The following VLDLR variants were observed in gnomAD, a reference collection of about 807,000 sequenced individuals.
VLDLR encodes the protein very low-density lipoprotein receptor.
Under a neutral mutation model 112.7 loss-of-function variants are expected in VLDLR, and 81 were observed. The ratio of observed to expected loss-of-function variants is 0.72; its 90% CI spans 0.60 to 0.86. VLDLR has a LOEUF of 0.86. Ranked by LOEUF, VLDLR falls within the 40% of genes least tolerant of loss-of-function variation. The pLI, the probability that VLDLR is intolerant of heterozygous loss-of-function variation, is 0.00. For synonymous variants in VLDLR, 436 were observed against 384.8 expected (o/e 1.13, Z -1.56); for missense variants, 1,237 against 1,099.4 (o/e 1.13, Z -1.77).
chr9:2,638,377 C>A (rs906819439), intron 2 of VLDLR, among the ~76,000 whole-genome samples: 3 of 152,172 alleles, frequency 2.0e-5, no homozygotes, highest in African/African-American at 7.2e-5. Flanking sequence ...GAGAGTTCTA[C>A]CTGCTTTAAA....
In VLDLR at chr9:2,642,250, C is replaced by T. The variant is rs562733798; in HGVS notation, c.448+751C>T. 5.3e-5 allele frequency among the ~76,000 whole-genome samples: 8 copies of T among 152,290 alleles called. No individual in the cohort carries two copies. The East Asian group carries it at 5.8e-4, about 11-fold the overall frequency. On this transcript the variant is annotated intron_variant, in intron 4 of 18. Transcript: ENST00000382100. ...TTTATAGGGCCTCTAAAACCTACAG[C>T]TCCCAAGTCTGACAAGCATGGGCCT...
At chr9:2,622,372 G>A (rs1586627450) in intron 1 of VLDLR, 101 bp downstream of exon 1, 3 of 1,085,578 alleles carry the variant, frequency 2.8e-6, no homozygotes, top group East Asian at 3.3e-5. Flanking sequence ...CTCCTAGGAG[G>A]CGCCTCTCGG....
In VLDLR at chr9:2,656,159, C is replaced by G. The variant is rs1273169422; in HGVS notation, c.*2291C>G. 6.6e-6 allele frequency: 1 copy of G among 151,460 alleles called. No individual in the cohort carries two copies. The highest frequency in any genetic ancestry group is 2.1e-4 in the South Asian group (1 of 4,828). The allele number at this position is 151,460 out of a possible 1,614,324, so 9.4% of individuals were successfully genotyped here. ...TTCATGTTCTGGGTAAAATTTCCAA[C>G]CCTCAAAGAGTCTAAAACGTCTCAT... On this transcript the variant is annotated 3_prime_UTR_variant, in exon 19 of 19. Coordinates refer to ENST00000382100, the MANE Select transcript of VLDLR (RefSeq NM_003383.5).
chr9:2,647,508 A>G lies in VLDLR; in HGVS notation c.1738A>G (p.Lys580Glu). The change falls in exon 12 of 19, where the codon AAA becomes GAA. Residue 580 changes from lysine to glutamate, a missense_variant. Lys to Glu is a moderately conservative substitution (Grantham distance 56, BLOSUM62 1). Transcript: ENST00000382100. ...CTGGTCAGACTGGGGTGAACCAGCT[A>G]AAATAGAAAAAGCAGGAATGAATGG... The part of the protein sequence containing the change: ...VYWSDWGEPA[K>E]IEKAGMNGFD... 2 of 1,614,148 alleles carry G rather than the reference A, an allele frequency of 1.2e-6. No homozygotes were observed. Among genetic ancestry groups the G allele is most frequent in the African/African-American group, 1.3e-5 (1 of 75,048 alleles).
At position 2,645,574 on chromosome 9, in the gene VLDLR, G is replaced by A. The variant is rs200605669; in HGVS notation, c.1313G>A (p.Gly438Asp). The change falls in exon 10 of 19, where the codon GGC becomes GAC. Residue 438 changes from glycine (G) to aspartate (D), a missense_variant and splice_region_variant. Transcript: ENST00000382100. ...DLATGVCKAV[G>D]KEPSLIFTNR... ...AGTAACCCAGACTTCCATCTTGCAG[G>A]CAAAGAGCCAAGTCTGATCTTCACT... The A allele has an allele frequency of 1.6e-4, 255 of 1,614,200 alleles. 2 individuals are homozygous for A. The Admixed American group carries it at 3.8e-3, about 24-fold the overall frequency.
At chr9:2,641,312 C>T (rs1237073921) in intron 3 of VLDLR, 65 bp from the exon 4 acceptor site, 2 of 1,611,032 alleles carry the variant, frequency 1.2e-6, no homozygotes, top group Non-Finnish European at 1.7e-6. Flanking sequence ...TTCCAGGCAG[C>T]ACAGGAGCAG....
chr9:2,641,250 GTTA>G, intron 3 of VLDLR, 124 bp from the exon 4 acceptor site: 1 of 1,476,242 alleles, frequency 6.8e-7, no homozygotes. Context: ...GCTTCAGCCA[GTTA>G]GTAGAATTTC....
intron 2 of VLDLR, among the ~76,000 whole-genome samples, chr9:2,639,347 C>T (rs1245628091): frequency 6.6e-6 from 1 of 152,188 alleles, no homozygotes; most frequent in African/African-American, 2.4e-5. Flanking sequence ...GCTCCACCCT[C>T]ATGACTTAAT....
chr9:2,635,654 A>G (rs1224264248), intron 2 of VLDLR, 82 bp downstream of exon 2: 1 of 1,598,690 alleles, frequency 6.3e-7, no homozygotes, highest in East Asian at 2.2e-5. Context: ...GATTCTGAAA[A>G]TAAAATCCAC....
rs748502536 is a variant in VLDLR at position 2,639,869 on chromosome 9, G to A, written c.213G>A (p.Thr71=). The change falls in exon 3 of 19, where the codon ACG becomes ACA. Residue 71 remains threonine, a synonymous_variant. Transcript: ENST00000382100. ...AATAAACGTTTGTAGTAAAGAAGACGTGTGCTGAATCTGACTTCGTGTGCA... is the reference window on the plus strand; with the variant it reads ...AATAAACGTTTGTAGTAAAGAAGACATGTGCTGAATCTGACTTCGTGTGCA... ...GSDEKNCVKK[T]CAESDFVCNN... is the part of the protein sequence containing the mutation. 37 of 1,613,968 alleles carry A rather than the reference G, an allele frequency of 2.3e-5. No individual in the cohort carries two copies. Among genetic ancestry groups the A allele is most frequent in the Middle Eastern group, 1.6e-4 (1 of 6,084 alleles).
chr9:2,623,849 C>T (rs1022300159), intron 1 of VLDLR, among the ~76,000 whole-genome samples: 3 of 152,118 alleles, frequency 2.0e-5, no homozygotes, highest in Non-Finnish European at 4.4e-5. Flanking sequence ...GCCTGAGAGC[C>T]TAGAAAAGCT....
chr9:2,633,600 T>G lies in VLDLR; in HGVS notation c.83-1853T>G, dbSNP rs115785142. Among the ~76,000 whole-genome samples, 1,217 of 152,298 alleles carry G rather than the reference T, an allele frequency of 8.0e-3. 23 individuals carry two copies. Among genetic ancestry groups the G allele is most frequent in the African/African-American group, 0.028 (1,166 of 41,552 alleles). On this transcript the variant is annotated intron_variant, in intron 1 of 18. Coordinates refer to ENST00000382100, the MANE Select transcript of VLDLR (RefSeq NM_003383.5). ...TGTCTCATTTTGACTTAATAACCTT[T>G]GGTAACTAAAACCTTAAAAAAAAAA...
Position 2,659,763 on chromosome 9 carries a change from C to G in VLDLR, c.*5895C>G, listed in dbSNP as rs1053179920. 1 of 152,182 alleles carries G rather than the reference C, an allele frequency of 6.6e-6. No homozygotes were observed. Among genetic ancestry groups the G allele is most frequent in the African/African-American group, 2.4e-5 (1 of 41,436 alleles). 9.4% of individuals were successfully genotyped at this position (152,182 alleles called of 1,614,324 possible). A position where few individuals can be genotyped will look rare whatever the true frequency, so the allele number is the denominator to read the frequency against. ...GGAATATACCAGATTGGTAGAACTA[C>G]CAGACTTGGGTATTTCTCAGTTAAC... is the stretch of plus-strand genomic sequence containing the variant. On this transcript the variant is annotated 3_prime_UTR_variant, in exon 19 of 19. Transcript: ENST00000382100.
intron 7 of VLDLR, 60 bp downstream of exon 7, chr9:2,644,019 A>T: frequency 6.2e-7 from 1 of 1,612,858 alleles, no homozygotes; most frequent in East Asian, 2.2e-5. Flanking sequence ...CAGTATAGCT[A>T]ACACTGTGTG....
Position 2,646,315 on chromosome 9 carries a change from G to T in VLDLR, c.1485-19G>T, listed in dbSNP as rs1448801756. 3 of 1,612,688 alleles carry T rather than the reference G, an allele frequency of 1.9e-6. No individual in the cohort carries two copies. The Admixed American group carries it at 5.0e-5, about 27-fold the overall frequency. On this transcript the variant is annotated intron_variant, in intron 10 of 18. Transcript: ENST00000382100. ...ATTGTGTCAAACTCTTAAATTTCTT[G>T]TGACCTATTCTGTTTCAGTGCCTCA...
At position 2,648,779 on chromosome 9, in the gene VLDLR, C is replaced by G; in HGVS notation, c.2073C>G (p.Ile691Met). ...ACAACCTGAATGATGCCCAAGACAT[C>G]ATTGTCTATCATGAACTTGTACAGC... ...LVNNLNDAQD[I>M]IVYHELVQPS... Residue 691 changes from isoleucine (I) to methionine (M), a missense_variant, in exon 14 of 19, where the codon ATC becomes ATG. By Grantham distance (10) the Ile-to-Met change is conservative. Transcript: ENST00000382100. The G allele has an allele frequency of 6.2e-7, 1 of 1,614,176 alleles. No individual in the cohort carries two copies. The highest frequency in any genetic ancestry group is 8.5e-7 in the Non-Finnish European group (1 of 1,180,030).
chr9:2,635,520 G>C lies in VLDLR; in HGVS notation c.150G>C (p.Trp50Cys). Residue 50 changes from tryptophan (W) to cysteine (C), a missense_variant, in exon 2 of 19, where the codon TGG becomes TGC. Coordinates refer to ENST00000382100, the MANE Select transcript of VLDLR (RefSeq NM_003383.5). ...ATGGTCGCTGTATTACGCTGTTGTGGAAATGTGATGGGGATGAAGACTGTG... is the reference window on the plus strand; with the variant it reads ...ATGGTCGCTGTATTACGCTGTTGTGCAAATGTGATGGGGATGAAGACTGTG... ...CTNGRCITLL[W>C]KCDGDEDCVD... The C allele has an allele frequency of 3.7e-6, 6 of 1,614,152 alleles. No homozygotes were observed. Among genetic ancestry groups the C allele is most frequent in the Non-Finnish European group, 5.1e-6 (6 of 1,179,998 alleles).
chr9:2,632,469 G>C (rs1420658024), intron 1 of VLDLR, among the ~76,000 whole-genome samples: 1 of 152,218 alleles, frequency 6.6e-6, no homozygotes, highest in Non-Finnish European at 1.5e-5. Context: ...AGAATCTCGA[G>C]TGTAGATGAT....
intron 15 of VLDLR, 117 bp from the exon 16 acceptor site, chr9:2,651,298 A>C: frequency 2.5e-6 from 2 of 788,906 alleles, no homozygotes; most frequent in Non-Finnish European, 4.3e-6. Flanking sequence ...TTAGTTCAGC[A>C]GTGGTTTGTC....
Sources: allele counts gnomAD v4.1 joint callset (sites outside exome capture counted in the v4.1 genomes callset), GRCh38; gene constraint gnomAD v4.1.1; transcripts MANE v1.5; gene names NCBI Gene and HGNC (gene_info 2026-07-23, HGNC 2026-07-21).